Variants in LOC400499 observed in about 807,000 individuals in gnomAD.
At chr16:11,506,071 T>C in the LOC400499 span, among the ~76,000 whole-genome samples, 1 of 151,188 alleles carries the variant, frequency 6.6e-6, no homozygotes, top group Admixed American at 6.6e-5. Flanking sequence ...AGTCTCACTC[T>C]TGTCACCCAG....
At chr16:11,452,660 G>A in the LOC400499 span, among the ~76,000 whole-genome samples, 579 of 152,360 alleles carry the variant, frequency 3.8e-3, 2 homozygotes, top group Non-Finnish European at 5.1e-3. Flanking sequence ...AAAATCCTGT[G>A]TAGAGTCTTT....
the LOC400499 span, chr16:11,424,312 G>C: frequency 1.4e-4 from 55 of 399,622 alleles, 1 homozygote; most frequent in East Asian, 1.8e-3. Flanking sequence ...ACGTGGGTGA[G>C]AGACAGGAGC....
At chr16:11,430,928 T>G in the LOC400499 span, 20 of 397,698 alleles carry the variant, frequency 5.0e-5, no homozygotes, top group Non-Finnish European at 8.9e-5. Flanking sequence ...TATGCCAGTG[T>G]GAGATGCTGG....
At chr16:11,480,631 G>C in the LOC400499 span, among the ~76,000 whole-genome samples, 1 of 152,036 alleles carries the variant, frequency 6.6e-6, no homozygotes, top group Non-Finnish European at 1.5e-5. Flanking sequence ...AATAAGAAGA[G>C]AAAAAGTAGG....
chr16:11,405,722 T>C, the LOC400499 span, among the ~76,000 whole-genome samples: 1 of 152,166 alleles, frequency 6.6e-6, no homozygotes, highest in African/African-American at 2.4e-5. Flanking sequence ...CTGCCCATTA[T>C]GGGGCTTCCT....
chr16:11,450,543 T>A, the LOC400499 span: 1 of 1,480,088 alleles, frequency 6.8e-7, no homozygotes. Context: ...TTCATCCGCC[T>A]CTGCACCAGA....
At chr16:11,407,154 G>GC in the LOC400499 span, 14 of 398,648 alleles carry the variant, frequency 3.5e-5, no homozygotes, top group Middle Eastern at 6.2e-4. Context: ...TGTCCCAGAG[G>GC]CCCCCCACCC....
chr16:11,379,227 A>G, the LOC400499 span, among the ~76,000 whole-genome samples: 6 of 152,336 alleles, frequency 3.9e-5, no homozygotes, highest in South Asian at 2.1e-4. Context: ...CAGCCTGGGC[A>G]ACAGAGTGAG....
the LOC400499 span, chr16:11,448,934 G>A: frequency 2.0e-6 from 3 of 1,487,014 alleles, no homozygotes; most frequent in East Asian, 5.0e-5. Context: ...CCAGGTGCCT[G>A]TAGGCCGCTG....
At chr16:11,504,031 G>T in the LOC400499 span, among the ~76,000 whole-genome samples, 1 of 152,104 alleles carries the variant, frequency 6.6e-6, no homozygotes, top group African/African-American at 2.4e-5. Flanking sequence ...TGTGCAGATG[G>T]GCACCTGGGG....
the LOC400499 span, among the ~76,000 whole-genome samples, chr16:11,480,202 T>G: frequency 6.6e-6 from 1 of 152,216 alleles, no homozygotes; most frequent in African/African-American, 2.4e-5. Flanking sequence ...AGAATGTTTC[T>G]CAGGATGTGA....
the LOC400499 span, among the ~76,000 whole-genome samples, chr16:11,464,684 G>C: frequency 6.6e-6 from 1 of 152,196 alleles, no homozygotes; most frequent in African/African-American, 2.4e-5. Flanking sequence ...CCTGTCTGCT[G>C]AAACAGGCTC....
At chr16:11,515,523 G>A in the LOC400499 span, among the ~76,000 whole-genome samples, 4 of 146,380 alleles carry the variant, frequency 2.7e-5, no homozygotes, top group East Asian at 3.9e-4. Flanking sequence ...ACATACATAC[G>A]TACATACATA....
chr16:11,421,129 C>T, the LOC400499 span, among the ~76,000 whole-genome samples: 1 of 152,200 alleles, frequency 6.6e-6, no homozygotes, highest in Non-Finnish European at 1.5e-5. Context: ...CCCAGGCACT[C>T]AGGCTCAGGG....
the LOC400499 span, chr16:11,467,327 A>T: frequency 1.3e-5 from 2 of 151,510 alleles, no homozygotes; most frequent in Non-Finnish European, 2.9e-5. Flanking sequence ...AAAAACTGGG[A>T]AACTGGGAGT....
the LOC400499 span, among the ~76,000 whole-genome samples, chr16:11,411,868 T>A: frequency 7.5e-6 from 1 of 133,276 alleles, no homozygotes; most frequent in African/African-American, 2.7e-5. Flanking sequence ...TTTTTTTTTT[T>A]CCTTCTTCAC....
chr16:11,455,360 G>C, the LOC400499 span, among the ~76,000 whole-genome samples: 4 of 152,066 alleles, frequency 2.6e-5, no homozygotes, highest in Non-Finnish European at 5.9e-5. Context: ...ATAACAGCAT[G>C]ATTATATTAT....
At chr16:11,452,137 A>G in the LOC400499 span, among the ~76,000 whole-genome samples, 4 of 150,718 alleles carry the variant, frequency 2.7e-5, no homozygotes, top group East Asian at 7.8e-4. Flanking sequence ...CACTTTATAG[A>G]TCACAGTTGT....
chr16:11,460,914 C>T, the LOC400499 span: 1 of 1,483,942 alleles, frequency 6.7e-7, no homozygotes, highest in Non-Finnish European at 8.9e-7. Context: ...GGAAACAGGG[C>T]AGGCCCTGCC....
Sources: allele counts gnomAD v4.1 joint callset (sites outside exome capture counted in the v4.1 genomes callset), GRCh38; gene constraint gnomAD v4.1.1; transcripts MANE v1.5.